CLASP1: variants seen among roughly 807,000 people sequenced by gnomAD.
CLASP1 encodes the protein cytoplasmic linker associated protein 1.
CLASP1 carries 38 observed loss-of-function variants against 192.3 expected under a neutral mutation model. The observed-to-expected ratio is 0.20, with a 90% CI of 0.15 to 0.26. CLASP1 has a LOEUF of 0.26. CLASP1 is among the 10% of genes least tolerant of loss of function. The probability of loss-of-function intolerance (pLI) is 1.00; values close to 1 mark genes in which losing one functional copy is unlikely to be tolerated. For missense variants in CLASP1, 1,433 were observed against 1,932.5 expected (o/e 0.74, Z 4.85); for synonymous variants, 691 against 712.8 (o/e 0.97, Z 0.49).
chr2:121,572,121 G>A (rs559374228), intron 2 of CLASP1, among the ~76,000 whole-genome samples: 124 of 152,328 alleles, frequency 8.1e-4, no homozygotes, highest in African/African-American at 2.9e-3. Flanking sequence ...AGGTCTGACA[G>A]GTAGACACTT....
At chr2:121,505,786 T>C (rs1468665359) in intron 7 of CLASP1, among the ~76,000 whole-genome samples, 1 of 152,190 alleles carries the variant, frequency 6.6e-6, no homozygotes, top group East Asian at 1.9e-4. Flanking sequence ...AATTTCCATA[T>C]TAAACTCTTC....
chr2:121,347,638 A>G (rs987397930), intron 38 of CLASP1, among the ~76,000 whole-genome samples: 5 of 152,332 alleles, frequency 3.3e-5, no homozygotes, highest in South Asian at 4.1e-4. Context: ...GTCTGGTCCC[A>G]CAGCCTGATG....
chr2:121,612,522 T>C (rs1379119839), intron 1 of CLASP1, among the ~76,000 whole-genome samples: 1 of 148,164 alleles, frequency 6.7e-6, no homozygotes, highest in Non-Finnish European at 1.5e-5. Context: ...GTTGAGGGAG[T>C]TGGAAGAGAA....
intron 2 of CLASP1, chr2:121,530,545 G>T: frequency 1.8e-6 from 1 of 551,602 alleles, no homozygotes; most frequent in South Asian, 2.5e-5. Context: ...GAGGAGAAAC[G>T]AAATAAAAGG....
chr2:121,375,789 G>A (rs922077311), intron 34 of CLASP1, among the ~76,000 whole-genome samples: 2 of 152,158 alleles, frequency 1.3e-5, no homozygotes, highest in Admixed American at 6.5e-5. Flanking sequence ...GTGCTTATCT[G>A]TCTGCCTCTC....
Position 121,621,631 on chromosome 2 carries a change from G to A in CLASP1, c.-285-15451C>T, listed in dbSNP as rs569039243. ...AAATCAATTGACCATAAACAGAAGGGTTTAGTTCTGGATTCTCATTCTATG... is the reference window on the plus strand; with the variant it reads ...AAATCAATTGACCATAAACAGAAGGATTTAGTTCTGGATTCTCATTCTATG... On this transcript the variant is annotated intron_variant, in intron 1 of 39. Transcript: ENST00000263710. Among the ~76,000 whole-genome samples, 5 of 152,240 alleles carry A rather than the reference G, an allele frequency of 3.3e-5. No homozygotes were observed. In the South Asian group the frequency reaches 1.0e-3, roughly 32 times the overall value.
chr2:121,474,863 G>A (rs1462702586), intron 8 of CLASP1, among the ~76,000 whole-genome samples: 1 of 152,220 alleles, frequency 6.6e-6, no homozygotes, highest in Non-Finnish European at 1.5e-5. Flanking sequence ...TTACTTAGCT[G>A]ATTTCCTAAG....
intron 2 of CLASP1, chr2:121,531,036 GTTC>G (rs2094822105): frequency 1.4e-6 from 1 of 699,390 alleles, no homozygotes; most frequent in African/African-American, 1.8e-5. Context: ...AGACTTATCA[GTTC>G]AAACAGCAGT....
At chr2:121,381,597 A>T (rs2071675046) in intron 33 of CLASP1, among the ~76,000 whole-genome samples, 1 of 152,186 alleles carries the variant, frequency 6.6e-6, no homozygotes, top group Non-Finnish European at 1.5e-5. Context: ...CGCATTCAGC[A>T]TCAACTGTGG....
At chr2:121,369,718 G>GT (rs2068207675) in intron 34 of CLASP1, among the ~76,000 whole-genome samples, 1 of 152,112 alleles carries the variant, frequency 6.6e-6, no homozygotes, top group Non-Finnish European at 1.5e-5. Flanking sequence ...TAACCACCAT[G>GT]TTTAATCACA....
intron 8 of CLASP1, chr2:121,490,270 T>C (rs1282163756): frequency 2.2e-6 from 1 of 454,742 alleles, no homozygotes; most frequent in East Asian, 7.1e-5. Context: ...TAGAATAGCC[T>C]ACCTTTCCCA....
At chr2:121,447,223 T>C (rs2149774297) in intron 19 of CLASP1, 114 bp downstream of exon 19, 4 of 965,362 alleles carry the variant, frequency 4.1e-6, no homozygotes, top group East Asian at 2.6e-5. Context: ...ATTTAAATAG[T>C]AGCCCCACAA....
rs188458235 is a variant in CLASP1, at chr2:121,611,479, G to T, written c.-285-5299C>A. On this transcript the variant is annotated intron_variant, in intron 1 of 39. Coordinates refer to ENST00000263710, the Ensembl canonical transcript of CLASP1. Reference sequence around the variant, plus strand: ...GGAGGAAGAGGAACTGGAGGAGGAGGCGTTGGAGGAGTTACAGGAAGAAGA... The same window carrying T: ...GGAGGAAGAGGAACTGGAGGAGGAGTCGTTGGAGGAGTTACAGGAAGAAGA... Among the ~76,000 whole-genome samples the T allele has an allele frequency of 3.2e-4, 46 of 141,722 alleles. 1 individual carries two copies. Among genetic ancestry groups the T allele is most frequent in the African/African-American group, 1.0e-3 (37 of 37,022 alleles). 93.0% of individuals were successfully genotyped at this position (141,722 alleles called of 152,430 possible). A position where few individuals can be genotyped will look rare whatever the true frequency, so the allele number is the denominator to read the frequency against.
intron 1 of CLASP1, among the ~76,000 whole-genome samples, chr2:121,648,021 A>G (rs2073491034): frequency 6.6e-6 from 1 of 152,248 alleles, no homozygotes; most frequent in South Asian, 2.1e-4. Flanking sequence ...GATCATCAAA[A>G]TTTAAATTTC....
intron 8 of CLASP1, among the ~76,000 whole-genome samples, chr2:121,482,012 A>G (rs1207615207): frequency 1.3e-5 from 2 of 152,182 alleles, no homozygotes; most frequent in Non-Finnish European, 2.9e-5. Context: ...ACAAATTTAG[A>G]AAGGATCCAC....
At chr2:121,639,047 T>G (rs1576678524) in intron 1 of CLASP1, among the ~76,000 whole-genome samples, 1 of 151,798 alleles carries the variant, frequency 6.6e-6, no homozygotes, top group Non-Finnish European at 1.5e-5. Flanking sequence ...GAGGCTGAGG[T>G]AGGCGGATCA....
chr2:121,443,498 A>C (rs986798732), intron 19 of CLASP1, among the ~76,000 whole-genome samples: 3 of 152,240 alleles, frequency 2.0e-5, no homozygotes, highest in African/African-American at 7.2e-5. Flanking sequence ...TTTGGGCAGG[A>C]GAAACATAAA....
chr2:121,348,744 G>C, intron 37 of CLASP1, 26 bp from the exon 39 acceptor site: 2 of 1,557,326 alleles, frequency 1.3e-6, no homozygotes, highest in Non-Finnish European at 1.7e-6. Context: ...CCCCCAAAGA[G>C]TGAGCTCCAC....
chr2:121,405,124 T>C (rs2076721468), intron 25 of CLASP1, among the ~76,000 whole-genome samples: 1 of 151,876 alleles, frequency 6.6e-6, no homozygotes, highest in Admixed American at 6.6e-5. Context: ...GCCTGGCCAA[T>C]GTGGTGAAAC....
Sources: allele counts gnomAD v4.1 joint callset (sites outside exome capture counted in the v4.1 genomes callset), GRCh38; gene constraint gnomAD v4.1.1; transcripts MANE v1.5; gene names NCBI Gene and HGNC (gene_info 2026-07-23, HGNC 2026-07-21).